CDK6: variants seen among roughly 807,000 people sequenced by gnomAD.
The protein encoded by CDK6 is cyclin dependent kinase 6, also known as cyclin-dependent kinase 6.
A neutral mutation model predicts 37.1 loss-of-function variants in CDK6; 6 were observed. That is an observed-to-expected ratio of 0.16 (90% confidence interval 0.09 to 0.32). The LOEUF is 0.32. Ranked by LOEUF, CDK6 falls within the 10% of genes least tolerant of loss-of-function variation. The pLI, the probability that CDK6 is intolerant of heterozygous loss-of-function variation, is 1.00. For missense variants in CDK6, 224 were observed against 418.9 expected, an observed-to-expected ratio of 0.53 and a Z score of 4.06; for synonymous variants, 160 against 161.3, an observed-to-expected ratio of 0.99 and a Z score of 0.06.
rs1795408818 is a variant in CDK6 at position 92,605,621 on chromosome 7, G to A, written c.*9519C>T. The A allele has an allele frequency of 4.3e-6, 1 of 233,144 alleles. No homozygotes were observed. Among genetic ancestry groups the A allele is most frequent in the Non-Finnish European group, 8.5e-6 (1 of 118,034 alleles). 14.4% of individuals were successfully genotyped at this position (233,144 alleles called of 1,614,324 possible). On this transcript the variant is annotated 3_prime_UTR_variant, in exon 8 of 8. Transcript: ENST00000424848. ...GAAAGGAGCAAGAGCATTCAGCTCA[G>A]AGCATTCTGAAGACAGTAGCCTTAG...
intron 2 of CDK6, among the ~76,000 whole-genome samples, chr7:92,780,718 G>A (rs1247267406): frequency 2.1e-5 from 3 of 144,370 alleles, no homozygotes; most frequent in African/African-American, 7.8e-5. Flanking sequence ...CCGAGACCGT[G>A]CCACTGCACT....
rs540134198 is a variant in CDK6 at position 92,805,728 on chromosome 7, T to G, written c.233+27363A>C. Among the ~76,000 whole-genome samples the G allele has an allele frequency of 8.5e-5, 13 of 152,300 alleles. No homozygotes were observed. The East Asian group carries it at 2.3e-3, about 27-fold the overall frequency. Reference sequence around the variant, plus strand: ...GGCTCCTGGTATCCAGAACCCCTGTTCCAGGAGACCAGAAGTGTAATGATT... The same window carrying G: ...GGCTCCTGGTATCCAGAACCCCTGTGCCAGGAGACCAGAAGTGTAATGATT... On this transcript the variant is annotated intron_variant, in intron 2 of 7. Coordinates refer to ENST00000424848, the MANE Select transcript of CDK6 (RefSeq NM_001145306.2).
Position 92,834,655 on chromosome 7 carries a change from AAACTC to A in CDK6, c.-367-970_-367-966del, listed in dbSNP as rs1305261749. Among the ~76,000 whole-genome samples the A allele has an allele frequency of 7.7e-6, 1 of 130,150 alleles. No individual in the cohort carries two copies. The highest frequency in any genetic ancestry group is 2.7e-4 in the East Asian group (1 of 3,668). The allele number at this position is 130,150 out of a possible 152,430, so 85.4% of individuals were successfully genotyped here. On this transcript the variant is annotated intron_variant, in intron 1 of 7. Transcript: ENST00000424848. This position sits in a 1 kb window ranked among gnomAD's most constrained non-coding sequence, Gnocchi z 4.6. ...TTTTAAACTGATTTCGACCTGAGCA[AAACTC>A]AACCTCCCTTTCAAAGGGTGGGGGG...
chr7:92,770,319 C>A (rs1041849387), intron 3 of CDK6, among the ~76,000 whole-genome samples: 6 of 90,942 alleles, frequency 6.6e-5, no homozygotes, highest in Non-Finnish European at 1.1e-4. Flanking sequence ...TCTATGTATG[C>A]TTTTTTTTTT....
intron 5 of CDK6, among the ~76,000 whole-genome samples, chr7:92,662,276 CATCTT>C (rs1040462836): frequency 3.3e-5 from 5 of 152,036 alleles, no homozygotes; most frequent in African/African-American, 7.3e-5. Context: ...GGGCTTCACT[CATCTT>C]AATTAACTGG....
At chr7:92,809,733 G>C (rs1800823325) in intron 2 of CDK6, among the ~76,000 whole-genome samples, 1 of 152,192 alleles carries the variant, frequency 6.6e-6, no homozygotes, top group Non-Finnish European at 1.5e-5. Context: ...TTCATACCTA[G>C]TACCATTAAC....
intron 5 of CDK6, among the ~76,000 whole-genome samples, chr7:92,666,081 G>A (rs1796949526): frequency 1.3e-5 from 2 of 152,186 alleles, no homozygotes; most frequent in Admixed American, 1.3e-4. Flanking sequence ...CTTCTCCCTA[G>A]GTTATGGAGG....
rs1020033953 is a variant in CDK6 at position 92,821,700 on chromosome 7, C to T, written c.233+11391G>A. ...TTTCTTTTCCTTAATTCTTTCATTA[C>T]TATATATATTGTATAAATTATGTTA... On this transcript the variant is annotated intron_variant, in intron 2 of 7. Transcript: ENST00000424848. Among the ~76,000 whole-genome samples the T allele has an allele frequency of 1.9e-4, 28 of 151,038 alleles. 1 individual carries two copies. The highest frequency in any genetic ancestry group is 3.5e-4 in the Non-Finnish European group (24 of 67,796).
chr7:92,770,134 T>G (rs1258809427), intron 3 of CDK6, among the ~76,000 whole-genome samples: 1 of 152,090 alleles, frequency 6.6e-6, no homozygotes, highest in Non-Finnish European at 1.5e-5. Context: ...GCCAGATATG[T>G]CAACAATAAG....
chr7:92,781,124 A>G (rs560707136), intron 2 of CDK6, among the ~76,000 whole-genome samples: 4 of 152,238 alleles, frequency 2.6e-5, no homozygotes, highest in Non-Finnish European at 5.9e-5. Context: ...CAAACTGGTT[A>G]TTGGCATTAA....
intron 3 of CDK6, among the ~76,000 whole-genome samples, chr7:92,748,312 G>A (rs563774885): frequency 2.0e-5 from 3 of 152,264 alleles, no homozygotes; most frequent in South Asian, 4.1e-4. Flanking sequence ...AAGGCCTTTA[G>A]GGACACCAAG....
intron 4 of CDK6, chr7:92,710,740 ATC>A (rs572149520): frequency 7.1e-6 from 7 of 985,236 alleles, no homozygotes; most frequent in Non-Finnish European, 8.4e-6. Context: ...TTTTGTTATG[ATC>A]TGTTTCTACT....
intron 2 of CDK6, among the ~76,000 whole-genome samples, chr7:92,829,512 G>A (rs1801422668): frequency 6.6e-6 from 1 of 152,134 alleles, no homozygotes; most frequent in African/African-American, 2.4e-5. Flanking sequence ...GGGAAGAACT[G>A]CTTCAGGAGA....
chr7:92,643,600 A>G (rs1451810056), intron 5 of CDK6, among the ~76,000 whole-genome samples: 2 of 152,228 alleles, frequency 1.3e-5, no homozygotes, highest in Admixed American at 6.5e-5. Flanking sequence ...GAAACAGAGG[A>G]GGCAGGCCTG....
chr7:92,659,640 CA>C (rs1456044830), intron 5 of CDK6, among the ~76,000 whole-genome samples: 1 of 109,440 alleles, frequency 9.1e-6, no homozygotes, highest in African/African-American at 5.1e-5. Context: ...ACACACCACA[CA>C]CACACACACT....
chr7:92,824,739 G>A (rs1448681209), intron 2 of CDK6, among the ~76,000 whole-genome samples: 1 of 152,076 alleles, frequency 6.6e-6, no homozygotes, highest in Non-Finnish European at 1.5e-5. Context: ...CTACTTGAAA[G>A]CAGGAATTCA....
intron 5 of CDK6, among the ~76,000 whole-genome samples, chr7:92,643,894 A>G (rs1481663135): frequency 3.3e-5 from 5 of 152,238 alleles, no homozygotes; most frequent in Non-Finnish European, 7.3e-5. Flanking sequence ...GTGTTTCGCA[A>G]AGTTCATCCA....
In CDK6 at chr7:92,608,859, T is replaced by C. The variant is rs1359915110; in HGVS notation, c.*6281A>G. 8.6e-6 allele frequency: 2 copies of C among 232,108 alleles called. No individual in the cohort carries two copies. Among genetic ancestry groups the C allele is most frequent in the Non-Finnish European group, 1.7e-5 (2 of 117,396 alleles). 14.4% of individuals were successfully genotyped at this position (232,108 alleles called of 1,614,324 possible). A position where few individuals can be genotyped will look rare whatever the true frequency, so the allele number is the denominator to read the frequency against. On this transcript the variant is annotated 3_prime_UTR_variant, in exon 8 of 8. Transcript: ENST00000424848. Reference sequence around the variant, plus strand: ...CCCCAGCCCGGCCTCGCCCACTGCCTCTCTCCTGCCAAAGGGGCGGGGCAA... The same window carrying C: ...CCCCAGCCCGGCCTCGCCCACTGCCCCTCTCCTGCCAAAGGGGCGGGGCAA...
At chr7:92,828,676 T>C (rs1157933872) in intron 2 of CDK6, among the ~76,000 whole-genome samples, 1 of 152,234 alleles carries the variant, frequency 6.6e-6, no homozygotes, top group Non-Finnish European at 1.5e-5. Flanking sequence ...TCCTCAAAGA[T>C]ATTCAAGTTT....
Sources: gnomAD v4.1 joint callset for allele counts (sites outside exome capture counted in the v4.1 genomes callset) on GRCh38, gnomAD v4.1.1 for gene constraint, Gnocchi (gnomAD v3.1) non-coding constraint, MANE v1.5 for transcripts, NCBI Gene and HGNC (gene_info 2026-07-23, HGNC 2026-07-21) for gene names.